The following RSRC1 variants were observed in gnomAD, a reference collection of about 807,000 sequenced individuals.
RSRC1 encodes the protein arginine and serine rich coiled-coil 1.
RSRC1 carries 39 observed loss-of-function variants against 49.1 expected under a neutral mutation model. The ratio of observed to expected loss-of-function variants is 0.79; its 90% CI spans 0.61 to 1.04. RSRC1 has a LOEUF of 1.04. Among genes scored for constraint, RSRC1 ranks in the 50% least tolerant of loss-of-function variants. RSRC1 has a pLI of 0.00. For synonymous variants in RSRC1, 143 were observed against 130.8 expected (o/e 1.09, Z -0.63); for missense variants, 388 against 402.4 (o/e 0.96, Z 0.31).
intron 5 of RSRC1, among the ~76,000 whole-genome samples, chr3:158,329,264 G>T (rs1315918485): frequency 6.6e-6 from 1 of 152,208 alleles, no homozygotes; most frequent in African/African-American, 2.4e-5. Flanking sequence ...ATCCAGCTTT[G>T]TTCCATTACT....
intron 3 of RSRC1, among the ~76,000 whole-genome samples, chr3:158,165,319 A>C (rs753667962): frequency 6.6e-6 from 1 of 152,354 alleles, no homozygotes; most frequent in East Asian, 1.9e-4. Flanking sequence ...TGATAGTTGC[A>C]TAATTATTTC....
At chr3:158,441,563 A>C (rs781308927) in intron 6 of RSRC1, among the ~76,000 whole-genome samples, 7 of 152,092 alleles carry the variant, frequency 4.6e-5, no homozygotes, top group Non-Finnish European at 1.0e-4. Flanking sequence ...TAATCTCTCC[A>C]ATTCCTAATA....
chr3:158,244,636 C>T lies in RSRC1; in HGVS notation c.494+41391C>T, dbSNP rs1443346760. ...TTCAGTAACAGGATGATGCTGGCCT[C>T]ATAGAATGAGTTAACAGAGGAGTTC... is the stretch of plus-strand genomic sequence containing the variant. On this transcript the variant is annotated intron_variant, in intron 4 of 9. Transcript: ENST00000611884. Among the ~76,000 whole-genome samples the T allele has an allele frequency of 2.6e-5, 4 of 152,128 alleles. No individual in the cohort carries two copies. In the East Asian group the frequency reaches 7.7e-4, roughly 29 times the overall value.
chr3:158,473,664 T>A (rs536824173), intron 7 of RSRC1, among the ~76,000 whole-genome samples: 3 of 150,866 alleles, frequency 2.0e-5, no homozygotes, highest in East Asian at 3.9e-4. Flanking sequence ...AAGTATAATT[T>A]AAAAAAAAAG....
intron 5 of RSRC1, among the ~76,000 whole-genome samples, chr3:158,301,177 ACTGT>A (rs1003186030): frequency 6.6e-6 from 1 of 152,052 alleles, no homozygotes; most frequent in African/African-American, 2.4e-5. Context: ...TTAATAATGT[ACTGT>A]CTAATACCAT....
At chr3:158,311,364 C>A (rs59661293) in intron 5 of RSRC1, among the ~76,000 whole-genome samples, 20,932 of 151,656 alleles carry the variant, frequency 0.14, 1,575 homozygotes, top group Middle Eastern at 0.21. Context: ...TCCAGAACAG[C>A]GTATTCTTCA....
chr3:158,248,402 C>T (rs827180), intron 4 of RSRC1, among the ~76,000 whole-genome samples: 72,375 of 151,896 alleles, frequency 0.48, 17,798 homozygotes, highest in East Asian at 0.64. Flanking sequence ...TATTCTATTC[C>T]ATAAATGTAT....
Position 158,334,773 on chromosome 3 carries a change from C to A in RSRC1, c.532-20084C>A, listed in dbSNP as rs978252777. On this transcript the variant is annotated intron_variant, in intron 5 of 9. Coordinates refer to ENST00000611884, the MANE Select transcript of RSRC1 (RefSeq NM_001271838.2). ...TGACCTCGTGATCTGCCCACCTCAG[C>A]CCCCACAAAGTGCTGGGATTACAAT... 2.0e-5 allele frequency among the ~76,000 whole-genome samples: 3 copies of A among 151,870 alleles called. No homozygotes were observed. The South Asian group carries it at 6.2e-4, about 32-fold the overall frequency.
At chr3:158,500,001 T>G (rs1255367819) in intron 7 of RSRC1, among the ~76,000 whole-genome samples, 1 of 152,218 alleles carries the variant, frequency 6.6e-6, no homozygotes, top group African/African-American at 2.4e-5. Flanking sequence ...GGCTGTGAGT[T>G]TGTCATAAAT....
intron 3 of RSRC1, among the ~76,000 whole-genome samples, chr3:158,153,490 G>A (rs1016512483): frequency 1.1e-4 from 16 of 152,308 alleles, no homozygotes; most frequent in African/African-American, 3.4e-4. Flanking sequence ...ATGGTATTGT[G>A]TTGCAGGGTA....
intron 7 of RSRC1, among the ~76,000 whole-genome samples, chr3:158,476,613 C>A (rs1481576736): frequency 1.3e-5 from 2 of 152,104 alleles, no homozygotes; most frequent in African/African-American, 4.8e-5. Context: ...CTGTTTATAG[C>A]ATGGTTTACA....
chr3:158,156,486 T>G (rs1378864159), intron 3 of RSRC1, among the ~76,000 whole-genome samples: 1 of 152,206 alleles, frequency 6.6e-6, no homozygotes, highest in Non-Finnish European at 1.5e-5. Context: ...CATTAACAAG[T>G]TAGCTAACTT....
At chr3:158,154,431 A>G (rs911501916) in intron 3 of RSRC1, among the ~76,000 whole-genome samples, 3 of 151,556 alleles carry the variant, frequency 2.0e-5, no homozygotes, top group Admixed American at 6.6e-5. Flanking sequence ...CTCTGTAGCA[A>G]TTGATGCTGT....
At chr3:158,452,087 T>C (rs1241927309) in intron 6 of RSRC1, among the ~76,000 whole-genome samples, 1 of 152,154 alleles carries the variant, frequency 6.6e-6, no homozygotes, top group Non-Finnish European at 1.5e-5. Context: ...GACATGTGCA[T>C]GGAAGCAATA....
At position 158,396,717 on chromosome 3, in the gene RSRC1, G is replaced by A. The variant is rs543624371; in HGVS notation, c.583+41809G>A. Among the ~76,000 whole-genome samples, 10 of 152,180 alleles carry A rather than the reference G, an allele frequency of 6.6e-5. No individual in the cohort carries two copies. The South Asian group carries it at 1.5e-3, about 22-fold the overall frequency. On this transcript the variant is annotated intron_variant, in intron 6 of 9. Transcript: ENST00000611884. ...AGTTTAGGATATCTGAAGGACACAA[G>A]AATGTGACAGTAGGTATATGGAAGC...
chr3:158,341,811 A>G (rs886724398), intron 5 of RSRC1, among the ~76,000 whole-genome samples: 3 of 152,132 alleles, frequency 2.0e-5, no homozygotes, highest in African/African-American at 7.2e-5. Flanking sequence ...CCATGAAAGC[A>G]GCCGGGAGGG....
intron 5 of RSRC1, among the ~76,000 whole-genome samples, chr3:158,313,333 A>G (rs1373176776): frequency 6.6e-6 from 1 of 152,218 alleles, no homozygotes; most frequent in African/African-American, 2.4e-5. Context: ...TTTTAGGTAA[A>G]TAAGTAAATT....
In RSRC1 at chr3:158,424,649, G is replaced by T. The variant is rs1735296629; in HGVS notation, c.584-36286G>T. The stretch of plus-strand genomic sequence containing the variant: ...CTATTGATTGGAATAGTTTCAGAAG[G>T]AATGGTACCAGTTCCTCCTTGTACC... On this transcript the variant is annotated intron_variant, in intron 6 of 9. Transcript: ENST00000611884. 5.9e-5 allele frequency among the ~76,000 whole-genome samples: 9 copies of T among 151,638 alleles called. No individual in the cohort carries two copies. The South Asian group carries it at 1.9e-3, about 32-fold the overall frequency.
At chr3:158,524,818 G>A (rs957083588) in intron 7 of RSRC1, among the ~76,000 whole-genome samples, 3 of 151,902 alleles carry the variant, frequency 2.0e-5, no homozygotes, top group African/African-American at 4.8e-5. Flanking sequence ...CAACAAATGC[G>A]ACTGAAAAAA....
Sources: allele counts gnomAD v4.1 joint callset (sites outside exome capture counted in the v4.1 genomes callset), GRCh38; gene constraint gnomAD v4.1.1; transcripts MANE v1.5; gene names NCBI Gene and HGNC (gene_info 2026-07-23, HGNC 2026-07-21).